LARGE1: variants seen among roughly 807,000 people sequenced by gnomAD.
LARGE1 encodes LARGE xylosyl- and glucuronyltransferase 1, also known as xylosyl- and glucuronyltransferase LARGE1.
Under a neutral mutation model 87.6 loss-of-function variants are expected in LARGE1, and 43 were observed. The observed-to-expected ratio is 0.49, with a 90% CI of 0.38 to 0.63. LARGE1 has a LOEUF of 0.63. LARGE1 is among the 30% of genes least tolerant of loss of function. The pLI, the probability that LARGE1 is intolerant of heterozygous loss-of-function variation, is 0.00. For missense variants in LARGE1, 802 were observed against 1,000.2 expected (o/e 0.80, Z 2.67); for synonymous variants, 434 against 394.6 (o/e 1.10, Z -1.18).
At chr22:33,581,533 A>G (rs2078518825) in intron 5 of LARGE1, among the ~76,000 whole-genome samples, 1 of 152,006 alleles carries the variant, frequency 6.6e-6, no homozygotes, top group Non-Finnish European at 1.5e-5. Context: ...AGAGAATCTG[A>G]CTGGGCACGG....
At chr22:33,088,175 G>A in the LARGE1 span, among the ~76,000 whole-genome samples, 349 of 152,038 alleles carry the variant, frequency 2.3e-3, 4 homozygotes, top group African/African-American at 8.2e-3. Context: ...CTGTAATCTA[G>A]GATCAATTAC....
At chr22:33,431,641 G>A (rs570514052) in intron 7 of LARGE1, among the ~76,000 whole-genome samples, 6 of 152,262 alleles carry the variant, frequency 3.9e-5, no homozygotes, top group East Asian at 3.9e-4. Context: ...ATGAAATTAC[G>A]TCACTTCTAA....
At chr22:33,641,766 A>C (rs2080441284) in intron 3 of LARGE1, among the ~76,000 whole-genome samples, 1 of 152,180 alleles carries the variant, frequency 6.6e-6, no homozygotes, top group African/African-American at 2.4e-5. Context: ...CGAATCAATC[A>C]AACAGAAGGA....
chr22:33,813,369 T>C (rs1191841166), intron 1 of LARGE1, among the ~76,000 whole-genome samples: 2 of 152,114 alleles, frequency 1.3e-5, no homozygotes, highest in Admixed American at 6.6e-5. Flanking sequence ...GTATGCTCTT[T>C]TGTTCATCTC....
intron 11 of LARGE1, among the ~76,000 whole-genome samples, chr22:33,258,049 TAC>T (rs1173277682): frequency 2.0e-5 from 3 of 152,056 alleles, no homozygotes; most frequent in African/African-American, 7.2e-5. Flanking sequence ...TTTTTGAGAC[TAC>T]AGAGTCCTGC....
intron 6 of LARGE1, among the ~76,000 whole-genome samples, chr22:33,516,813 T>C (rs1422764390): frequency 6.6e-6 from 1 of 152,058 alleles, no homozygotes; most frequent in Non-Finnish European, 1.5e-5. Flanking sequence ...CTCGATCTCT[T>C]GACCTTGTGA....
At chr22:33,524,329 T>C (rs2071770739) in intron 6 of LARGE1, among the ~76,000 whole-genome samples, 1 of 151,716 alleles carries the variant, frequency 6.6e-6, no homozygotes, top group Non-Finnish European at 1.5e-5. Flanking sequence ...ATCAAGCCCA[T>C]TTCCTTGCCA....
intron 6 of LARGE1, among the ~76,000 whole-genome samples, chr22:33,550,836 A>G (rs1239846786): frequency 6.6e-6 from 1 of 152,258 alleles, no homozygotes; most frequent in Non-Finnish European, 1.5e-5. Flanking sequence ...ATACAGATGC[A>G]TATCACAGTA....
At chr22:33,098,982 A>G in the LARGE1 span, among the ~76,000 whole-genome samples, 1 of 152,078 alleles carries the variant, frequency 6.6e-6, no homozygotes, top group Non-Finnish European at 1.5e-5. Flanking sequence ...CTACAAATTT[A>G]TTGTTCTTTG....
chr22:33,698,135 C>A (rs1408331840), intron 2 of LARGE1, among the ~76,000 whole-genome samples: 6 of 149,862 alleles, frequency 4.0e-5, no homozygotes, highest in African/African-American at 1.2e-4. Flanking sequence ...TGCAATGGTG[C>A]GATCTCTGCT....
chr22:33,851,207 T>C (rs2063573576), intron 1 of LARGE1, among the ~76,000 whole-genome samples: 1 of 152,196 alleles, frequency 6.6e-6, no homozygotes, highest in African/African-American at 2.4e-5. Context: ...AACCTAACAA[T>C]TGGACTTGTT....
intron 2 of LARGE1, among the ~76,000 whole-genome samples, chr22:33,696,757 C>T (rs2082265966): frequency 6.6e-6 from 1 of 152,122 alleles, no homozygotes; most frequent in African/African-American, 2.4e-5. Flanking sequence ...GTTGCTTGAA[C>T]ATTTTTTAGA....
intron 11 of LARGE1, among the ~76,000 whole-genome samples, chr22:33,205,948 C>CTTTTTTT (rs386395258): frequency 0.014 from 1,194 of 84,906 alleles, 18 homozygotes; most frequent in Non-Finnish European, 0.021. Context: ...CATGCTAATT[C>CTTTTTTT]TTTTTTTTTT....
At chr22:33,621,691 G>T (rs549884495) in intron 4 of LARGE1, among the ~76,000 whole-genome samples, 199 of 152,150 alleles carry the variant, frequency 1.3e-3, no homozygotes, top group Non-Finnish European at 1.9e-3. Flanking sequence ...TTTCTGAGCC[G>T]AAAGTCTTTC....
At chr22:33,810,613 G>A (rs10427812) in intron 1 of LARGE1, among the ~76,000 whole-genome samples, 23,297 of 152,178 alleles carry the variant, frequency 0.15, 2,432 homozygotes, top group African/African-American at 0.3. Flanking sequence ...TTAAGGACTA[G>A]CAAGAGTACT....
intron 1 of LARGE1, among the ~76,000 whole-genome samples, chr22:33,813,542 A>C (rs1475314965): frequency 6.6e-6 from 1 of 152,128 alleles, no homozygotes; most frequent in Non-Finnish European, 1.5e-5. Context: ...ATCCATCTTC[A>C]GAAATGTTGA....
chr22:33,915,095 GGCT>G (rs1198626433), intron 1 of LARGE1, among the ~76,000 whole-genome samples: 1 of 149,924 alleles, frequency 6.7e-6, no homozygotes, highest in Admixed American at 6.6e-5. Flanking sequence ...TTATCCTTCT[GGCT>G]GCTGTTTCTA....
intron 1 of LARGE1, among the ~76,000 whole-genome samples, chr22:33,892,927 A>C (rs2065040613): frequency 6.6e-6 from 1 of 152,252 alleles, no homozygotes; most frequent in Non-Finnish European, 1.5e-5. Context: ...AAAAAGAAAA[A>C]TGCAACACTG....
intron 1 of LARGE1, among the ~76,000 whole-genome samples, chr22:33,848,592 C>A (rs545625110): frequency 9.2e-5 from 14 of 152,110 alleles, no homozygotes; most frequent in Non-Finnish European, 1.8e-4. Context: ...CCTGAAGCCG[C>A]GTTGTGCCAA....
Sources: allele counts gnomAD v4.1 joint callset (sites outside exome capture counted in the v4.1 genomes callset), GRCh38; gene constraint gnomAD v4.1.1; transcripts MANE v1.5; gene names NCBI Gene and HGNC (gene_info 2026-07-23, HGNC 2026-07-21).